Variants in SDK1 observed in about 807,000 individuals in gnomAD.
SDK1 encodes protein sidekick-1.
A neutral mutation model predicts 245.5 loss-of-function variants in SDK1; 157 were observed. That is an observed-to-expected ratio of 0.64 (90% CI 0.56 to 0.73). The LOEUF (loss-of-function observed/expected upper bound fraction) is 0.73. Among genes scored for constraint, SDK1 ranks in the 30% least tolerant of loss-of-function variants. The pLI is 0.00. For missense variants in SDK1, 3,583 were observed against 3,002.3 expected, an observed-to-expected ratio of 1.19 and a Z score of -4.52; for synonymous variants, 1,647 against 1,278.5, an observed-to-expected ratio of 1.29 and a Z score of -6.15.
chr7:4,135,042 C>T (rs1033699937), intron 28 of SDK1, among the ~76,000 whole-genome samples: 2 of 152,218 alleles, frequency 1.3e-5, no homozygotes, highest in African/African-American at 4.8e-5. Context: ...CACGTGTCTA[C>T]CTGGTGAGGC....
At chr7:3,906,744 C>T (rs1326885052) in intron 5 of SDK1, among the ~76,000 whole-genome samples, 1 of 149,350 alleles carries the variant, frequency 6.7e-6, no homozygotes, top group East Asian at 2.1e-4. Context: ...TATCCTGCCT[C>T]AGCCTCCTGA....
At chr7:3,531,189 C>T (rs534289181) in intron 1 of SDK1, among the ~76,000 whole-genome samples, 8 of 152,176 alleles carry the variant, frequency 5.3e-5, no homozygotes, top group Non-Finnish European at 1.2e-4. Context: ...TGCAGTTGAT[C>T]TTCAGTGTGG....
intron 40 of SDK1, among the ~76,000 whole-genome samples, chr7:4,222,065 A>G (rs1399455936): frequency 6.6e-6 from 1 of 152,194 alleles, no homozygotes; most frequent in East Asian, 1.9e-4. Context: ...GAGCATGAAA[A>G]TATGTGATGT....
intron 35 of SDK1, among the ~76,000 whole-genome samples, chr7:4,190,997 C>T (rs372563611): frequency 6.6e-6 from 1 of 152,122 alleles, no homozygotes; most frequent in East Asian, 1.9e-4. Flanking sequence ...CCTGTGTCCA[C>T]CCATCCTCTA....
Position 4,127,450 on chromosome 7 carries a change from C to T in SDK1, c.3893C>T (p.Thr1298Ile). ...VSSTQILLTW[T>I]SVPEQDQNGL... ...TCGACCCAGATTTTACTGACATGGA[C>T]ATCCGTGCCGGAACAGGACCAGAAT... Residue 1298 changes from threonine to isoleucine, a missense_variant, in exon 26 of 45, where the codon ACA becomes ATA. By Grantham distance (89) the Thr-to-Ile change is moderately conservative. Transcript: ENST00000404826. The T allele has an allele frequency of 6.2e-7, 1 of 1,614,188 alleles. No individual in the cohort carries two copies. Among genetic ancestry groups the T allele is most frequent in the Non-Finnish European group, 8.5e-7 (1 of 1,179,998 alleles).
intron 4 of SDK1, among the ~76,000 whole-genome samples, chr7:3,682,152 G>C (rs568694221): frequency 3.3e-5 from 5 of 152,106 alleles, no homozygotes; most frequent in Admixed American, 6.6e-5. Flanking sequence ...TACAAAAATG[G>C]TTTACCTCTC....
rs559048524 is a variant in SDK1, at chr7:3,364,537, A to ATT, written c.298+62658_298+62659dup. ...TCCTGCACCATTTGTTGAAAAGCCT[A>ATT]TTTTTTCTCCATTGAATTTTTTTTG... On this transcript the variant is annotated intron_variant, in intron 1 of 44. Coordinates refer to ENST00000404826, the MANE Select transcript of SDK1 (RefSeq NM_152744.4). Among the ~76,000 whole-genome samples, 8 of 152,166 alleles carry ATT rather than the reference A, an allele frequency of 5.3e-5. No homozygotes were observed. In the East Asian group the frequency reaches 1.4e-3, roughly 26 times the overall value.
At chr7:3,998,776 C>T (rs530947695) in intron 14 of SDK1, among the ~76,000 whole-genome samples, 4 of 152,300 alleles carry the variant, frequency 2.6e-5, no homozygotes, top group East Asian at 3.9e-4. Flanking sequence ...CCGTATCTTC[C>T]GCATCGCTCG....
At chr7:3,914,397 G>A (rs1270239163) in intron 5 of SDK1, among the ~76,000 whole-genome samples, 3 of 152,206 alleles carry the variant, frequency 2.0e-5, no homozygotes, top group Non-Finnish European at 2.9e-5. Flanking sequence ...GTGTGTACAT[G>A]TGCACATATA....
intron 1 of SDK1, among the ~76,000 whole-genome samples, chr7:3,308,668 G>C (rs957623154): frequency 6.6e-6 from 1 of 152,018 alleles, no homozygotes; most frequent in Non-Finnish European, 1.5e-5. Flanking sequence ...TTTTTAAATG[G>C]ATAAGGCTAG....
chr7:3,801,565 G>T (rs996585581), intron 4 of SDK1, among the ~76,000 whole-genome samples: 1 of 152,178 alleles, frequency 6.6e-6, no homozygotes, highest in Admixed American at 6.5e-5. Context: ...TGAGCAACCA[G>T]ATCATCAGGT....
At chr7:3,686,706 AAGG>A (rs1238358045) in intron 4 of SDK1, among the ~76,000 whole-genome samples, 1 of 152,164 alleles carries the variant, frequency 6.6e-6, no homozygotes, top group Non-Finnish European at 1.5e-5. Flanking sequence ...GACAGCTCTG[AAGG>A]AGAAGGCCAG....
At chr7:3,749,602 C>T (rs990750103) in intron 4 of SDK1, among the ~76,000 whole-genome samples, 1 of 152,306 alleles carries the variant, frequency 6.6e-6, no homozygotes, top group African/African-American at 2.4e-5. Flanking sequence ...CCCAGCCGAA[C>T]ATCACCTCTT....
intron 27 of SDK1, among the ~76,000 whole-genome samples, chr7:4,130,919 C>A (rs1227416670): frequency 1.3e-5 from 2 of 152,052 alleles, no homozygotes; most frequent in African/African-American, 4.8e-5. Flanking sequence ...ACTAAATGAG[C>A]CCGAAAGTCC....
At chr7:4,181,636 A>C in intron 35 of SDK1, among the ~76,000 whole-genome samples, 1 of 149,872 alleles carries the variant, frequency 6.7e-6, no homozygotes. Flanking sequence ...ACACACCCAC[A>C]CCCTCCACGT....
intron 1 of SDK1, among the ~76,000 whole-genome samples, chr7:3,494,658 A>G (rs1294744537): frequency 6.6e-6 from 1 of 152,164 alleles, no homozygotes. Context: ...CCCAACAATT[A>G]TGTTTTATAT....
chr7:3,953,936 TG>T (rs765897820), intron 7 of SDK1, among the ~76,000 whole-genome samples: 3 of 152,166 alleles, frequency 2.0e-5, no homozygotes, highest in Non-Finnish European at 4.4e-5. Flanking sequence ...CCGAGGGATT[TG>T]GATGAGATTA....
At position 3,602,364 on chromosome 7, in the gene SDK1, G is replaced by A. The variant is rs1036406172; in HGVS notation, c.299-16716G>A. 1.8e-3 allele frequency among the ~76,000 whole-genome samples: 268 copies of A among 150,014 alleles called. 2 individuals are homozygous for A. The highest frequency in any genetic ancestry group is 6.5e-3 in the African/African-American group (258 of 39,962). On this transcript the variant is annotated intron_variant, in intron 1 of 44. Coordinates refer to ENST00000404826, the MANE Select transcript of SDK1 (RefSeq NM_152744.4). ...GTTGTTTCCTGACTTTTTAATGATTGCTATTCTAACTGGTGTGAGATGGTA... is the reference window on the plus strand; with the variant it reads ...GTTGTTTCCTGACTTTTTAATGATTACTATTCTAACTGGTGTGAGATGGTA...
chr7:3,944,217 A>G (rs1211498328), intron 5 of SDK1, among the ~76,000 whole-genome samples: 5 of 152,238 alleles, frequency 3.3e-5, no homozygotes, highest in African/African-American at 1.2e-4. Flanking sequence ...ACTTGAAACC[A>G]TGTGACTTAG....
Sources: gnomAD v4.1 joint callset for allele counts (sites outside exome capture counted in the v4.1 genomes callset) on GRCh38, gnomAD v4.1.1 for gene constraint, MANE v1.5 for transcripts, NCBI Gene and HGNC (gene_info 2026-07-23, HGNC 2026-07-21) for gene names.